KDELR2: variants seen among roughly 807,000 people sequenced by gnomAD.
KDELR2 encodes KDEL endoplasmic reticulum protein retention receptor 2.
In KDELR2, 15 loss-of-function variants were observed where a neutral mutation model predicts 23.9. The observed-to-expected ratio is 0.63, with a 90% CI of 0.42 to 0.97. The LOEUF (loss-of-function observed/expected upper bound fraction) is 0.97. KDELR2 is among the 50% of genes least tolerant of loss of function. The pLI, the probability that KDELR2 is intolerant of heterozygous loss-of-function variation, is 0.00. For synonymous variants in KDELR2, 119 were observed against 106.2 expected (o/e 1.12, Z -0.74); for missense variants, 272 against 254.6 (o/e 1.07, Z -0.46).
At chr7:6,473,287 C>T (rs1016497877) in intron 2 of KDELR2, among the ~76,000 whole-genome samples, 12 of 151,912 alleles carry the variant, frequency 7.9e-5, no homozygotes, top group African/African-American at 9.7e-5. Flanking sequence ...CATCATAAAT[C>T]GCAGTCATTT....
chr7:6,476,976 T>C (rs1032331819), intron 1 of KDELR2, among the ~76,000 whole-genome samples: 2 of 151,908 alleles, frequency 1.3e-5, no homozygotes, highest in African/African-American at 4.9e-5. Flanking sequence ...ACTCAGAAAA[T>C]ATTTGCTGAA....
intron 1 of KDELR2, among the ~76,000 whole-genome samples, chr7:6,480,683 A>T (rs1204308563): frequency 1.3e-5 from 2 of 152,250 alleles, no homozygotes; most frequent in African/African-American, 2.4e-5. Flanking sequence ...GAACCTTGGT[A>T]TGAGTATTTT....
chr7:6,473,573 G>A (rs962286642), intron 2 of KDELR2, among the ~76,000 whole-genome samples: 2 of 152,078 alleles, frequency 1.3e-5, no homozygotes, highest in African/African-American at 4.8e-5. Flanking sequence ...GACAACAAAG[G>A]TGTTATAGAT....
intron 4 of KDELR2, among the ~76,000 whole-genome samples, chr7:6,463,766 A>C (rs565575430): frequency 1.3e-5 from 2 of 151,718 alleles, no homozygotes; most frequent in African/African-American, 4.8e-5. Context: ...AAAAAAAAAA[A>C]AACACAAAGG....
intron 2 of KDELR2, among the ~76,000 whole-genome samples, chr7:6,471,136 AAT>A (rs1438055467): frequency 5.4e-5 from 8 of 148,840 alleles, no homozygotes; most frequent in African/African-American, 2.0e-4. Context: ...AAAATAAATA[AAT>A]AAATAAATAA....
intron 2 of KDELR2, chr7:6,470,055 T>C (rs1221802559): frequency 2.1e-5 from 5 of 235,008 alleles, no homozygotes; most frequent in South Asian, 8.3e-5. Flanking sequence ...ATCACACTTA[T>C]GTTCTCTGTC....
intron 3 of KDELR2, 36 bp downstream of exon 3, chr7:6,469,560 C>G: frequency 6.3e-7 from 1 of 1,594,290 alleles, no homozygotes; most frequent in Non-Finnish European, 8.6e-7. Context: ...AGGCATGAGC[C>G]ACCATGCCTG....
intron 2 of KDELR2, among the ~76,000 whole-genome samples, chr7:6,473,434 A>C (rs1159608461): frequency 6.6e-6 from 1 of 152,202 alleles, no homozygotes; most frequent in East Asian, 1.9e-4. Flanking sequence ...AAGCTCACGT[A>C]GTCCACAACT....
intron 1 of KDELR2, among the ~76,000 whole-genome samples, chr7:6,477,147 A>G (rs987312427): frequency 2.6e-5 from 4 of 152,216 alleles, no homozygotes; most frequent in Admixed American, 1.3e-4. Flanking sequence ...ACTACTAGCT[A>G]GAGGGTGAGA....
intron 1 of KDELR2, among the ~76,000 whole-genome samples, chr7:6,474,871 GTCT>G: frequency 6.6e-6 from 1 of 152,108 alleles, no homozygotes; most frequent in South Asian, 2.1e-4. Flanking sequence ...GCCCACACTG[GTCT>G]TGAACTCCTG....
rs1376742436 is a variant in KDELR2 at position 6,469,730 on chromosome 7, C to T, written c.217G>A (p.Ala73Thr). 1 of 1,613,792 alleles carries T rather than the reference C, an allele frequency of 6.2e-7. No individual in the cohort carries two copies. Among genetic ancestry groups the T allele is most frequent in the South Asian group, 1.1e-5 (1 of 91,054 alleles). ...TTCAGGTAGATCAGGTACACTGTGG[C>T]ATAGGAGCAGGCAAGGTAGATAACC... ...MKVIYLACSY[A>T]TVYLIYLKFK... The change falls in exon 3 of 5, where the codon GCC becomes ACC. Residue 73 changes from alanine to threonine, a missense_variant. Coordinates refer to ENST00000258739, the MANE Select transcript of KDELR2 (RefSeq NM_006854.4).
At chr7:6,463,301 C>A in intron 4 of KDELR2, 126 bp from the exon 5 acceptor site, 1 of 702,692 alleles carries the variant, frequency 1.4e-6, no homozygotes, top group Non-Finnish European at 2.3e-6. Flanking sequence ...AGGAAATAAG[C>A]AATTGTATTT....
intron 3 of KDELR2, among the ~76,000 whole-genome samples, chr7:6,467,336 T>G (rs1231294400): frequency 6.6e-6 from 1 of 152,202 alleles, no homozygotes; most frequent in Non-Finnish European, 1.5e-5. Flanking sequence ...TTCTTATTCC[T>G]TAAGCTTTCT....
At chr7:6,466,028 G>T (rs200512412) in intron 4 of KDELR2, 43 bp downstream of exon 4, 63 of 1,602,770 alleles carry the variant, frequency 3.9e-5, no homozygotes, top group Non-Finnish European at 5.3e-5. Context: ...ACTCCTAAAA[G>T]AACACGTCAC....
In KDELR2 at chr7:6,474,205, T is replaced by G. The variant is rs751379720; in HGVS notation, c.171A>C (p.Ser57=). 1 of 1,611,176 alleles carries G rather than the reference T, an allele frequency of 6.2e-7. No homozygotes were observed. The highest frequency in any genetic ancestry group is 1.1e-5 in the South Asian group (1 of 91,016). Residue 57 remains serine, a synonymous_variant, in exon 2 of 5, where the codon TCA becomes TCC. Coordinates refer to ENST00000258739, the MANE Select transcript of KDELR2 (RefSeq NM_006854.4). ...ATACCTTCATAGATGTGTTATACAA[T>G]GAAATAAATGAAGTAAAAAGATCCA... is the stretch of plus-strand genomic sequence containing the variant. ...RYLDLFTSFI[S]LYNTSMKVIY...
At chr7:6,469,251 C>CTTTT (rs1239170875) in intron 3 of KDELR2, among the ~76,000 whole-genome samples, 3 of 152,030 alleles carry the variant, frequency 2.0e-5, no homozygotes, top group Non-Finnish European at 4.4e-5. Flanking sequence ...TACGCCCAGC[C>CTTTT]ATAACCTCTT....
intron 1 of KDELR2, 100 bp downstream of exon 1, chr7:6,483,867 G>C: frequency 2.1e-6 from 2 of 974,434 alleles, no homozygotes; most frequent in Non-Finnish European, 2.7e-6. Context: ...TGTCGGGCCG[G>C]CGCAGGCCCC....
chr7:6,479,546 G>A (rs73059316), intron 1 of KDELR2, among the ~76,000 whole-genome samples: 1 of 151,990 alleles, frequency 6.6e-6, no homozygotes, highest in Non-Finnish European at 1.5e-5. Flanking sequence ...GCACAGTCTC[G>A]GCTCGCTGCA....
At chr7:6,475,190 C>A (rs994048062) in intron 1 of KDELR2, among the ~76,000 whole-genome samples, 8 of 152,194 alleles carry the variant, frequency 5.3e-5, no homozygotes, top group African/African-American at 1.7e-4. Flanking sequence ...TGCCTATAAT[C>A]TCCACATATA....
Sources: gnomAD v4.1 joint callset for allele counts (sites outside exome capture counted in the v4.1 genomes callset) on GRCh38, gnomAD v4.1.1 for gene constraint, MANE v1.5 for transcripts, NCBI Gene and HGNC (gene_info 2026-07-23, HGNC 2026-07-21) for gene names.